The following CNTN4 variants were observed in gnomAD, a reference collection of about 807,000 sequenced individuals.
The protein encoded by CNTN4 is contactin-4.
A neutral mutation model predicts 122.5 loss-of-function variants in CNTN4; 77 were observed. The ratio of observed to expected loss-of-function variants is 0.63; its 90% CI spans 0.52 to 0.76. The LOEUF (loss-of-function observed/expected upper bound fraction) is 0.76, where lower values mean the gene tolerates loss of function less well. Ranked by LOEUF, CNTN4 falls within the 30% of genes least tolerant of loss-of-function variation. The probability of loss-of-function intolerance (pLI) is 0.00; values close to 1 mark genes in which losing one functional copy is unlikely to be tolerated. For missense variants in CNTN4, 1,256 were observed against 1,259.1 expected (o/e 1.00, Z 0.04); for synonymous variants, 512 against 447.0 (o/e 1.15, Z -1.83).
chr3:2,837,992 C>G (rs2150459511), intron 7 of CNTN4, among the ~76,000 whole-genome samples: 1 of 152,230 alleles, frequency 6.6e-6, no homozygotes, highest in Non-Finnish European at 1.5e-5. Context: ...TTCCAGATAG[C>G]TCATAAACAA....
chr3:2,407,669 G>A (rs1308131656), intron 3 of CNTN4, among the ~76,000 whole-genome samples: 1 of 152,120 alleles, frequency 6.6e-6, no homozygotes, highest in Non-Finnish European at 1.5e-5. Context: ...GTTGTGAGAA[G>A]GTGGAAATAG....
chr3:2,783,749 A>T (rs549818058), intron 6 of CNTN4, among the ~76,000 whole-genome samples: 4 of 152,342 alleles, frequency 2.6e-5, no homozygotes, highest in Non-Finnish European at 4.4e-5. Flanking sequence ...GAAGAGTTGT[A>T]ACGTAAAGAC....
chr3:2,136,424 G>A (rs559890590), intron 2 of CNTN4, among the ~76,000 whole-genome samples: 1 of 152,270 alleles, frequency 6.6e-6, no homozygotes, highest in East Asian at 1.9e-4. Context: ...TGTCCAATTA[G>A]TAAGTGATAT....
intron 13 of CNTN4, among the ~76,000 whole-genome samples, chr3:2,960,756 G>C (rs560251016): frequency 6.6e-6 from 1 of 152,262 alleles, no homozygotes; most frequent in East Asian, 1.9e-4. Context: ...CTTTGCACAT[G>C]TCCTGCGTCA....
At chr3:2,922,748 A>G (rs2094441096) in intron 12 of CNTN4, among the ~76,000 whole-genome samples, 1 of 150,392 alleles carries the variant, frequency 6.6e-6, no homozygotes, top group African/African-American at 2.4e-5. Context: ...CAGTAGTTGG[A>G]TTACAGAGGT....
rs541564109 is a variant in CNTN4, at chr3:2,976,684, A to G, written c.1359-11661A>G. 4.7e-4 allele frequency among the ~76,000 whole-genome samples: 71 copies of G among 152,342 alleles called. 1 individual carries two copies. The East Asian group carries it at 0.01, about 22-fold the overall frequency. ...CTCAATTGACTCTTTGTAAATTGCA[A>G]TTACCACAAAACAATCTTTCTTTCT... On this transcript the variant is annotated intron_variant, in intron 13 of 24. Coordinates refer to ENST00000418658, the MANE Select transcript of CNTN4 (RefSeq NM_175607.3).
At position 2,815,873 on chromosome 3, in the gene CNTN4, C is replaced by CATATATATATATAT. The variant is rs58111735; in HGVS notation, c.359-3608_359-3595dup. Among the ~76,000 whole-genome samples, 18 of 141,278 alleles carry CATATATATATATAT rather than the reference C, an allele frequency of 1.3e-4. 1 individual carries two copies. The highest frequency in any genetic ancestry group is 5.5e-4 in the African/African-American group (18 of 32,718). The allele number at this position is 141,278 out of a possible 152,430, so 92.7% of individuals were successfully genotyped here. Reference sequence around the variant, plus strand: ...CAATAAGTGGCTAAAGAAACTATGGCATATATATATATATATATGATGGAA... The same window carrying CATATATATATATAT: ...CAATAAGTGGCTAAAGAAACTATGGCATATATATATATATATATATATATATATATATGATGGAA... On this transcript the variant is annotated intron_variant, in intron 6 of 24. Transcript: ENST00000418658.
intron 3 of CNTN4, among the ~76,000 whole-genome samples, chr3:2,512,790 T>C (rs1185822342): frequency 1.3e-5 from 2 of 152,158 alleles, no homozygotes; most frequent in Non-Finnish European, 1.5e-5. Flanking sequence ...CCATGGAGCC[T>C]GATGGTCCCA....
intron 4 of CNTN4, among the ~76,000 whole-genome samples, chr3:2,651,456 A>C (rs1453111677): frequency 6.6e-6 from 1 of 152,206 alleles, no homozygotes; most frequent in Non-Finnish European, 1.5e-5. Context: ...CTACAAGACA[A>C]GCACCCTTTT....
chr3:2,196,397 T>C (rs1468209773), intron 2 of CNTN4, among the ~76,000 whole-genome samples: 1 of 152,236 alleles, frequency 6.6e-6, no homozygotes, highest in Non-Finnish European at 1.5e-5. Context: ...TCTGAGAACA[T>C]ATTTGTTCTT....
chr3:2,251,124 A>C (rs1452310245), intron 2 of CNTN4, among the ~76,000 whole-genome samples: 1 of 151,888 alleles, frequency 6.6e-6, no homozygotes, highest in Non-Finnish European at 1.5e-5. Context: ...CCAATTATTA[A>C]AATGCATCCT....
At chr3:2,504,760 A>G (rs889121997) in intron 3 of CNTN4, among the ~76,000 whole-genome samples, 8 of 152,228 alleles carry the variant, frequency 5.3e-5, no homozygotes, top group Non-Finnish European at 1.0e-4. Flanking sequence ...TCCTCTATGT[A>G]GTATTCTTCA....
At chr3:2,396,357 C>T (rs2046640017) in intron 3 of CNTN4, among the ~76,000 whole-genome samples, 1 of 152,154 alleles carries the variant, frequency 6.6e-6, no homozygotes, top group Admixed American at 6.5e-5. Flanking sequence ...GATAATGAGA[C>T]ATAAGGTAGA....
chr3:3,040,253 G>C lies in CNTN4; in HGVS notation c.2380G>C (p.Val794Leu). ...GEGPFSPTTV[V>L]YSAEEEPTKP... ...AGGCCCTTTCAGTCCCACCACGGTG[G>C]TGTATTCTGCAGAAGAAGGTATCGT... Residue 794 changes from valine to leucine, a missense_variant, in exon 20 of 25, where the codon GTG becomes CTG. Val to Leu is a conservative substitution (Grantham distance 32). Coordinates refer to ENST00000418658, the MANE Select transcript of CNTN4 (RefSeq NM_175607.3). The C allele has an allele frequency of 6.2e-7, 1 of 1,613,454 alleles. No homozygotes were observed. Among genetic ancestry groups the C allele is most frequent in the Non-Finnish European group, 8.5e-7 (1 of 1,179,378 alleles).
At chr3:2,440,098 A>G (rs2151276023) in intron 3 of CNTN4, among the ~76,000 whole-genome samples, 1 of 152,336 alleles carries the variant, frequency 6.6e-6, no homozygotes, top group East Asian at 1.9e-4. Context: ...TTGTAAAGAT[A>G]TGCTTGGCAT....
At chr3:2,635,873 C>A (rs1184377168) in intron 4 of CNTN4, among the ~76,000 whole-genome samples, 2 of 152,164 alleles carry the variant, frequency 1.3e-5, no homozygotes, top group African/African-American at 4.8e-5. Flanking sequence ...CTGAAACTTA[C>A]CAGATCACCA....
At chr3:2,799,277 A>G (rs1250647145) in intron 6 of CNTN4, among the ~76,000 whole-genome samples, 4 of 152,098 alleles carry the variant, frequency 2.6e-5, no homozygotes, top group South Asian at 2.1e-4. Flanking sequence ...ATTTCCTTCT[A>G]TTCTTCAGAT....
intron 3 of CNTN4, among the ~76,000 whole-genome samples, chr3:2,415,563 T>G (rs541082157): frequency 6.6e-6 from 1 of 152,322 alleles, no homozygotes; most frequent in South Asian, 2.1e-4. Context: ...CGTACCACAT[T>G]ATTTTTAGTT....
At chr3:2,769,679 C>T (rs2091004878) in intron 6 of CNTN4, among the ~76,000 whole-genome samples, 1 of 152,052 alleles carries the variant, frequency 6.6e-6, no homozygotes, top group Admixed American at 6.6e-5. Flanking sequence ...TCATATTTCC[C>T]CTTAAAATTC....
Sources: allele counts gnomAD v4.1 joint callset (sites outside exome capture counted in the v4.1 genomes callset), GRCh38; gene constraint gnomAD v4.1.1; transcripts MANE v1.5; gene names NCBI Gene and HGNC (gene_info 2026-07-23, HGNC 2026-07-21).